The following GPHN variants were observed in gnomAD, a reference collection of about 807,000 sequenced individuals.
The protein encoded by GPHN is gephyrin.
Under a neutral mutation model 95.5 loss-of-function variants are expected in GPHN, and 17 were observed. The observed-to-expected ratio is 0.18, with a 90% confidence interval of 0.12 to 0.27. GPHN has a LOEUF of 0.27. GPHN is among the 10% of genes least tolerant of loss of function. GPHN has a pLI of 1.00. For missense variants in GPHN, 660 were observed against 978.1 expected (o/e 0.67, Z 4.34); for synonymous variants, 320 against 322.5 (o/e 0.99, Z 0.08).
At chr14:67,160,621 C>T (rs1054073804) in intron 19 of GPHN, among the ~76,000 whole-genome samples, 1 of 152,082 alleles carries the variant, frequency 6.6e-6, no homozygotes, top group Non-Finnish European at 1.5e-5. Flanking sequence ...GTGCAGAGAC[C>T]TCAACTGTAT....
chr14:67,718,159 G>T, the GPHN span, among the ~76,000 whole-genome samples: 1 of 152,192 alleles, frequency 6.6e-6, no homozygotes, highest in Non-Finnish European at 1.5e-5. Context: ...AGTTCCTCAT[G>T]GCTGGAAAAG....
intron 4 of GPHN, among the ~76,000 whole-genome samples, chr14:66,878,188 C>T (rs538095586): frequency 5.3e-5 from 8 of 152,236 alleles, no homozygotes; most frequent in African/African-American, 1.9e-4. Context: ...AAAACTGAAA[C>T]TGGATCCCTT....
chr14:67,350,197 C>A, the GPHN span, among the ~76,000 whole-genome samples: 28,831 of 151,994 alleles, frequency 0.19, 4,386 homozygotes, highest in East Asian at 0.48. Context: ...ATTTATCCTA[C>A]GGGAATAATT....
At chr14:67,387,930 C>T in the GPHN span, among the ~76,000 whole-genome samples, 138 of 152,282 alleles carry the variant, frequency 9.1e-4, 1 homozygote, top group South Asian at 3.9e-3. Context: ...ATGTTGTTAA[C>T]CCTAAAGCAT....
the GPHN span, chr14:67,592,094 T>C: frequency 1.1e-5 from 2 of 174,794 alleles, no homozygotes; most frequent in South Asian, 2.2e-4. Flanking sequence ...AGTAGATGAA[T>C]GGTGATTTAT....
intron 1 of GPHN, among the ~76,000 whole-genome samples, chr14:66,631,229 A>T (rs1428912975): frequency 6.6e-6 from 1 of 151,730 alleles, no homozygotes; most frequent in Non-Finnish European, 1.5e-5. Context: ...TTGTATTTTC[A>T]ATAGAGACGA....
intron 11 of GPHN, among the ~76,000 whole-genome samples, chr14:67,077,307 C>G (rs2076531328): frequency 6.6e-6 from 1 of 151,966 alleles, no homozygotes; most frequent in Non-Finnish European, 1.5e-5. Flanking sequence ...ATGATTCTGC[C>G]CAACTGTATG....
the GPHN span, chr14:67,323,579 A>C: frequency 7.5e-6 from 2 of 267,286 alleles, no homozygotes; most frequent in Admixed American, 5.4e-5. Context: ...ACACCACTGC[A>C]CTCTAGCCTA....
At chr14:67,087,108 A>G (rs373969920) in intron 11 of GPHN, among the ~76,000 whole-genome samples, 2 of 151,612 alleles carry the variant, frequency 1.3e-5, no homozygotes, top group East Asian at 1.9e-4. Flanking sequence ...CTAGATTTTC[A>G]TGGGATTAAG....
At chr14:66,876,651 T>C (rs2063677962) in intron 4 of GPHN, among the ~76,000 whole-genome samples, 1 of 151,780 alleles carries the variant, frequency 6.6e-6, no homozygotes, top group African/African-American at 2.4e-5. Context: ...CTAGAAGAAA[T>C]TGTTAAATTC....
At chr14:66,627,131 A>C (rs2063556171) in intron 1 of GPHN, among the ~76,000 whole-genome samples, 1 of 152,122 alleles carries the variant, frequency 6.6e-6, no homozygotes, top group East Asian at 1.9e-4. Context: ...CCATATAATT[A>C]CTATTGAACT....
intron 1 of GPHN, among the ~76,000 whole-genome samples, chr14:66,579,440 A>G (rs1481990934): frequency 6.6e-6 from 1 of 151,752 alleles, no homozygotes; most frequent in African/African-American, 2.4e-5. Flanking sequence ...AAAAAGTCCA[A>G]ACTATATGCT....
chr14:67,269,541 G>C, the GPHN span, among the ~76,000 whole-genome samples: 1 of 152,126 alleles, frequency 6.6e-6, no homozygotes, highest in African/African-American at 2.4e-5. Context: ...ATTAGATACA[G>C]GGGTCATGGT....
the GPHN span, chr14:67,388,101 ACT>A: frequency 3.1e-6 from 2 of 640,602 alleles, no homozygotes; most frequent in East Asian, 2.7e-5. Context: ...AACTCACACC[ACT>A]CTGTCTCATG....
chr14:67,030,593 A>G (rs1350437888), intron 10 of GPHN, among the ~76,000 whole-genome samples: 1 of 152,148 alleles, frequency 6.6e-6, no homozygotes, highest in Non-Finnish European at 1.5e-5. Context: ...GATAACTCCT[A>G]CTTATCCTAC....
intron 1 of GPHN, among the ~76,000 whole-genome samples, chr14:66,655,067 A>C (rs2065235767): frequency 6.6e-6 from 1 of 152,136 alleles, no homozygotes; most frequent in South Asian, 2.1e-4. Context: ...CTCACACTTA[A>C]TTCTTTTTCA....
chr14:67,715,909 C>T, the GPHN span, among the ~76,000 whole-genome samples: 190 of 152,220 alleles, frequency 1.2e-3, no homozygotes, highest in African/African-American at 4.3e-3. Context: ...AAGAAGTTGC[C>T]TAGAGGCCGG....
intron 17 of GPHN, among the ~76,000 whole-genome samples, chr14:67,127,193 T>G (rs971408538): frequency 6.6e-6 from 1 of 151,604 alleles, no homozygotes; most frequent in African/African-American, 2.4e-5. Flanking sequence ...GCATGGCACA[T>G]GTATACATAT....
intron 1 of GPHN, among the ~76,000 whole-genome samples, chr14:66,521,982 A>G (rs1594806284): frequency 6.6e-6 from 1 of 152,042 alleles, no homozygotes; most frequent in Non-Finnish European, 1.5e-5. Context: ...AGTTCATTAT[A>G]TCAGTCACTG....
Sources: allele counts gnomAD v4.1 joint callset (sites outside exome capture counted in the v4.1 genomes callset), GRCh38; gene constraint gnomAD v4.1.1; transcripts MANE v1.5; gene names NCBI Gene and HGNC (gene_info 2026-07-23, HGNC 2026-07-21).